AHR: variants seen among roughly 807,000 people sequenced by gnomAD.
The protein encoded by AHR is aryl hydrocarbon receptor.
A neutral mutation model predicts 86.8 loss-of-function variants in AHR; 40 were observed. The observed-to-expected ratio is 0.46, with a 90% CI of 0.36 to 0.60. The LOEUF (loss-of-function observed/expected upper bound fraction) is 0.60. Ranked by LOEUF, AHR falls within the 20% of genes least tolerant of loss-of-function variation. The pLI is 0.00. For synonymous variants in AHR, 398 were observed against 354.9 expected (o/e 1.12, Z -1.37); for missense variants, 1,001 against 1,011.6 (o/e 0.99, Z 0.14).
In AHR at chr7:17,339,627, A is replaced by G. The variant is rs1427021280; in HGVS notation, c.1802A>G (p.Gln601Arg). 6.2e-7 allele frequency: 1 copy of G among 1,614,120 alleles called. No individual in the cohort carries two copies. ...KSPFIPSDYQ[Q>R]QQSLALNSSC... Reference sequence around the variant, plus strand: ...CCCTTCATACCTTCAGATTATCAACAGCAACAGTCCTTGGCTCTGAACTCA... The same window carrying G: ...CCCTTCATACCTTCAGATTATCAACGGCAACAGTCCTTGGCTCTGAACTCA... Residue 601 changes from glutamine (Q) to arginine (R), a missense_variant, in exon 10 of 11, where the codon CAG (glutamine) becomes CGG (arginine). This residue lies in a region of AHR where 607 missense variants were observed against 543.1 expected (regional missense o/e 1.12). Transcript: ENST00000242057.
At chr7:17,325,791 T>A (rs932728833) in intron 3 of AHR, among the ~76,000 whole-genome samples, 1 of 152,246 alleles carries the variant, frequency 6.6e-6, no homozygotes, top group South Asian at 2.1e-4. Flanking sequence ...TGGGGCCGTT[T>A]AGAGGCTGCA....
chr7:17,333,774 A>AC, intron 6 of AHR, 138 bp from the exon 7 acceptor site: 1 of 657,448 alleles, frequency 1.5e-6, no homozygotes, highest in East Asian at 2.7e-5. Flanking sequence ...GAGTGAAGGA[A>AC]ACTAACAGTT....
At chr7:17,332,176 C>A (rs1782303605) in intron 6 of AHR, among the ~76,000 whole-genome samples, 2 of 151,608 alleles carry the variant, frequency 1.3e-5, no homozygotes, top group South Asian at 4.2e-4. Flanking sequence ...CCTGTGTTGC[C>A]AGTCATATAA....
chr7:17,314,297 G>T (rs2115355196), intron 2 of AHR, among the ~76,000 whole-genome samples: 1 of 152,040 alleles, frequency 6.6e-6, no homozygotes, highest in South Asian at 2.1e-4. Context: ...CATTATACAT[G>T]CTTAAAATAA....
At position 17,320,162 on chromosome 7, in the gene AHR, T is replaced by C. The variant is rs549928099; in HGVS notation, c.254-2339T>C. ...TTATTTTTTCTCTACTTCAAGTTCC[T>C]GTAATACTTTAATTAAACCCTATTC... On this transcript the variant is annotated intron_variant, in intron 2 of 10. Coordinates refer to ENST00000242057, the MANE Select transcript of AHR (RefSeq NM_001621.5). Among the ~76,000 whole-genome samples the C allele has an allele frequency of 4.6e-5, 7 of 152,230 alleles. No homozygotes were observed. In the South Asian group the frequency reaches 1.5e-3, roughly 32 times the overall value.
At chr7:17,323,012 A>G (rs1026304726) in intron 3 of AHR, among the ~76,000 whole-genome samples, 1 of 152,078 alleles carries the variant, frequency 6.6e-6, no homozygotes, top group African/African-American at 2.4e-5. Context: ...TATACCATCT[A>G]GGTTTGTGTA....
At chr7:17,331,027 C>G (rs553288009) in intron 6 of AHR, 141 bp downstream of exon 6, 1 of 871,372 alleles carries the variant, frequency 1.1e-6, no homozygotes, top group Non-Finnish European at 1.7e-6. Context: ...CTTCAGAGAG[C>G]TCACTTAAAA....
At chr7:17,317,111 A>ATTTT (rs1174614929) in intron 2 of AHR, among the ~76,000 whole-genome samples, 6 of 40,418 alleles carry the variant, frequency 1.5e-4, no homozygotes, top group Non-Finnish European at 2.4e-4. Flanking sequence ...TTAGTGGAGA[A>ATTTT]TTTTGTTTTT....
At position 17,340,338 on chromosome 7, in the gene AHR, A is replaced by G. The variant is rs1455889524; in HGVS notation, c.2403+110A>G. 10 of 1,373,822 alleles carry G rather than the reference A, an allele frequency of 7.3e-6. No individual in the cohort carries two copies. The East Asian group carries it at 2.5e-4, about 35-fold the overall frequency. The allele number at this position is 1,373,822 out of a possible 1,614,324, so 85.1% of individuals were successfully genotyped here. On this transcript the variant is annotated intron_variant, in intron 10 of 10. Transcript: ENST00000242057. ...TTTTAATCGGTTATCTACAGCATTC[A>G]TGGAGACAGCATTTTTTATTATATC...
At chr7:17,319,213 G>T (rs539608401) in intron 2 of AHR, among the ~76,000 whole-genome samples, 1 of 152,112 alleles carries the variant, frequency 6.6e-6, no homozygotes. Flanking sequence ...TATAAAGTCA[G>T]CATAGACTTC....
intron 1 of AHR, among the ~76,000 whole-genome samples, chr7:17,301,358 G>GAGTTTTAA (rs1491343815): frequency 2.0e-5 from 3 of 151,900 alleles, no homozygotes; most frequent in Non-Finnish European, 2.9e-5. Context: ...TATTAAATTT[G>GAGTTTTAA]AGTTTTAAAA....
chr7:17,300,918 A>G (rs1328671185), intron 1 of AHR, among the ~76,000 whole-genome samples: 4 of 152,088 alleles, frequency 2.6e-5, no homozygotes, highest in East Asian at 3.8e-4. Flanking sequence ...GGGTGTTATC[A>G]AAGGACCTGG....
chr7:17,324,555 C>T (rs1782208135), intron 3 of AHR, among the ~76,000 whole-genome samples: 1 of 152,178 alleles, frequency 6.6e-6, no homozygotes, highest in Non-Finnish European at 1.5e-5. Flanking sequence ...GTGATCCCAG[C>T]ACTTTGGGAG....
intron 7 of AHR, among the ~76,000 whole-genome samples, chr7:17,334,368 T>C (rs139685567): frequency 3.7e-4 from 57 of 152,136 alleles, no homozygotes; most frequent in Non-Finnish European, 6.0e-4. Context: ...TCTGATGACA[T>C]TTATGTTGGT....
rs984350153 is a variant in AHR at position 17,299,074 on chromosome 7, G to C, written c.-191G>C. ...AGGCAGCTCACCTGTACTGGCGCGG[G>C]CTGCGGAAGCCTGCGTGAGCCGAGG... On this transcript the variant is annotated 5_prime_UTR_variant, in exon 1 of 11. Coordinates refer to ENST00000242057, the MANE Select transcript of AHR (RefSeq NM_001621.5). 3.9e-5 allele frequency: 22 copies of C among 570,816 alleles called. No homozygotes were observed. Among genetic ancestry groups the C allele is most frequent in the Non-Finnish European group, 2.0e-5 (7 of 345,972 alleles). The allele number at this position is 570,816 out of a possible 1,614,324, so 35.4% of individuals were successfully genotyped here.
At chr7:17,337,537 G>C (rs1289038358) in intron 9 of AHR, among the ~76,000 whole-genome samples, 4 of 149,310 alleles carry the variant, frequency 2.7e-5, no homozygotes, top group African/African-American at 9.8e-5. Context: ...TGCAGTGGCG[G>C]GATCTCGGCT....
intron 2 of AHR, among the ~76,000 whole-genome samples, chr7:17,317,200 T>G (rs1782124835): frequency 6.7e-6 from 1 of 150,290 alleles, no homozygotes; most frequent in African/African-American, 2.4e-5. Context: ...GTTTAATTAA[T>G]TTCATATTTT....
intron 2 of AHR, among the ~76,000 whole-genome samples, chr7:17,315,002 A>G (rs1782101134): frequency 6.6e-6 from 1 of 152,046 alleles, no homozygotes; most frequent in South Asian, 2.1e-4. Context: ...TGGTGATTTA[A>G]CTGTTATCTT....
intron 1 of AHR, among the ~76,000 whole-genome samples, chr7:17,301,849 G>A (rs988085772): frequency 1.3e-5 from 2 of 151,808 alleles, no homozygotes; most frequent in Non-Finnish European, 2.9e-5. Context: ...GCAACTTTAC[G>A]TCCAATTCAT....
Sources: gnomAD v4.1 joint callset for allele counts (sites outside exome capture counted in the v4.1 genomes callset) on GRCh38, gnomAD v4.1.1 for gene constraint, gnomAD v4.1.1 regional missense constraint, MANE v1.5 for transcripts, NCBI Gene and HGNC (gene_info 2026-07-23, HGNC 2026-07-21) for gene names.